NDST2: variants seen among roughly 807,000 people sequenced by gnomAD.
NDST2 encodes the protein N-deacetylase and N-sulfotransferase 2, also known as bifunctional heparan sulfate N-deacetylase/N-sulfotransferase 2.
NDST2 carries 32 observed loss-of-function variants against 86.9 expected under a neutral mutation model. That is an observed-to-expected ratio of 0.37 (90% CI 0.28 to 0.49). NDST2 has a LOEUF of 0.49. Ranked by LOEUF, NDST2 falls within the 20% of genes least tolerant of loss-of-function variation. The probability of loss-of-function intolerance (pLI) is 0.97; values close to 1 mark genes in which losing one functional copy is unlikely to be tolerated. For missense variants in NDST2, 950 were observed against 1,146.9 expected (o/e 0.83, Z 2.48); for synonymous variants, 409 against 437.0 (o/e 0.94, Z 0.80).
chr10:73,803,040 T>G lies in NDST2; in HGVS notation c.2355A>C (p.Ala785=). 1 of 1,614,238 alleles carries G rather than the reference T, an allele frequency of 6.2e-7. No homozygotes were observed. Among genetic ancestry groups the G allele is most frequent in the Non-Finnish European group, 8.5e-7 (1 of 1,180,050 alleles). The change falls in exon 13 of 15, where the codon GCA becomes GCC. Residue 785 remains alanine, a synonymous_variant. Transcript: ENST00000309979. The stretch of plus-strand genomic sequence containing the variant: ...ACTTCTGGATGCTCTCCATTGAGGC[T>G]GCTGGGTTGGTACGCAGCTCTTGCC... ...VDGQELRTNP[A]ASMESIQKFL...
At chr10:73,811,183 C>T (rs1477283609) in intron 1 of NDST2, among the ~76,000 whole-genome samples, 1 of 151,988 alleles carries the variant, frequency 6.6e-6, no homozygotes, top group African/African-American at 2.4e-5. Flanking sequence ...AAGAGCGCAC[C>T]GGATGTGGGA....
chr10:73,811,337 A>C (rs1219299130), intron 1 of NDST2, 137 bp downstream of exon 1: 1 of 153,704 alleles, frequency 6.5e-6, no homozygotes, highest in East Asian at 1.9e-4. Flanking sequence ...AGGCCGGCGG[A>C]AAGGACCCGG....
intron 4 of NDST2, 32 bp downstream of exon 4, chr10:73,807,076 G>A: frequency 1.3e-6 from 2 of 1,587,992 alleles, no homozygotes; most frequent in South Asian, 1.1e-5. Flanking sequence ...GTCAAACTAT[G>A]ATATGCCAAA....
chr10:73,804,309 G>C (rs2132862671), intron 9 of NDST2, among the ~76,000 whole-genome samples: 1 of 152,292 alleles, frequency 6.6e-6, no homozygotes, highest in East Asian at 1.9e-4. Context: ...ATCAATGAGG[G>C]GTGGGTATAA....
At chr10:73,809,385 T>C (rs1425140023) in intron 2 of NDST2, among the ~76,000 whole-genome samples, 1 of 152,178 alleles carries the variant, frequency 6.6e-6, no homozygotes, top group Non-Finnish European at 1.5e-5. Context: ...TTGTGAAACA[T>C]TACCTGCCCC....
rs1241226285 is a variant in NDST2, at chr10:73,806,909, C to T, written c.1094-98G>A. 28 of 1,560,432 alleles carry T rather than the reference C, an allele frequency of 1.8e-5. No individual in the cohort carries two copies. Among genetic ancestry groups the T allele is most frequent in the Non-Finnish European group, 2.1e-5 (24 of 1,147,712 alleles). ...ACCACCTTCCATCCCTGATCCTTGC[C>T]TAAGACTTTCTATTTGCCCCACTGC... On this transcript the variant is annotated intron_variant, in intron 4 of 14. Transcript: ENST00000309979. The surrounding 1 kb of genome is among the most constrained non-coding windows in gnomAD (Gnocchi z 4.5).
rs1478964975 is a variant in NDST2, at chr10:73,802,683, C to A, written c.2517G>T (p.Met839Ile). 6.2e-7 allele frequency: 1 copy of A among 1,614,184 alleles called. No individual in the cohort carries two copies. Among genetic ancestry groups the A allele is most frequent in the South Asian group, 1.1e-5 (1 of 91,082 alleles). ...CCCTGGCTTTACTTACCTCAGTGTC[C>A]ATATCTGGATACCTCCGGCCTTTGC... Reference protein sequence around the residue: ...GRSKGRRYPDMDTESRLFLTD... With the variant: ...GRSKGRRYPDIDTESRLFLTD... The change falls in exon 14 of 15, where the codon ATG becomes ATT. Residue 839 changes from methionine (M) to isoleucine (I), a missense_variant. Met to Ile is a conservative substitution (Grantham distance 10). This residue lies in a region of NDST2 where 303 missense variants were observed against 323.7 expected (regional missense o/e 0.94). Transcript: ENST00000309979.
chr10:73,807,261 A>T, intron 3 of NDST2, 66 bp from the exon 4 acceptor site: 1 of 1,557,586 alleles, frequency 6.4e-7, no homozygotes, highest in Non-Finnish European at 8.9e-7. Flanking sequence ...CATGAGAAGT[A>T]GCATTCTTCC....
rs373396104 is a variant in NDST2, at chr10:73,807,332, A to G, written c.1005+52T>C. ...TCAGAATCAAGGAAGGGAGTCTGACAGGCCAGAGTGTGAATAGCTTCTAAG... is the reference window on the plus strand; with the variant it reads ...TCAGAATCAAGGAAGGGAGTCTGACGGGCCAGAGTGTGAATAGCTTCTAAG... On this transcript the variant is annotated intron_variant, in intron 3 of 14. Coordinates refer to ENST00000309979, the MANE Select transcript of NDST2 (RefSeq NM_003635.4). The G allele has an allele frequency of 5.6e-6, 9 of 1,598,052 alleles. No individual in the cohort carries two copies. In the African/African-American group the frequency reaches 1.2e-4, roughly 21 times the overall value.
chr10:73,807,835 T>C lies in NDST2; in HGVS notation c.554A>G (p.Lys185Arg). The change falls in exon 3 of 15, where the codon AAG becomes AGG. Residue 185 changes from lysine (K) to arginine (R), a missense_variant. By Grantham distance (26) the Lys-to-Arg change is conservative. Around this residue, in one of 5 missense-constraint regions of NDST2, gnomAD observed 586 missense variants for 714.0 expected, o/e 0.82. Coordinates refer to ENST00000309979, the MANE Select transcript of NDST2 (RefSeq NM_003635.4). ...TGAGTGTAAAAAAAGGGGAAAGCCC[T>C]TGAGCTGGGCGCTCAGTAGGCTGTG... is the stretch of plus-strand genomic sequence containing the variant. ...HEHSLLSAQL[K>R]GFPLFLHSNL... 1 of 1,614,192 alleles carries C rather than the reference T, an allele frequency of 6.2e-7. No homozygotes were observed. The highest frequency in any genetic ancestry group is 8.5e-7 in the Non-Finnish European group (1 of 1,180,032).
rs752216726 is a variant in NDST2, at chr10:73,806,652, C to T, written c.1248+5G>A. 3.1e-6 allele frequency: 5 copies of T among 1,612,314 alleles called. No homozygotes were observed. The Admixed American group carries it at 5.0e-5, about 16-fold the overall frequency. ...AATTATGGGGAAGAGATCCAAGGGTCTCACCAGAGCAAACTGTTTGTTGAG... is the reference window on the plus strand; with the variant it reads ...AATTATGGGGAAGAGATCCAAGGGTTTCACCAGAGCAAACTGTTTGTTGAG... On this transcript the variant is annotated splice_donor_5th_base_variant and intron_variant, in intron 5 of 14. Coordinates refer to ENST00000309979, the MANE Select transcript of NDST2 (RefSeq NM_003635.4). The surrounding 1 kb of genome is among the most constrained non-coding windows in gnomAD (Gnocchi z 4.5).
Position 73,807,215 on chromosome 10 carries a change from CAA to C in NDST2, c.1006-22_1006-21del. On this transcript the variant is annotated intron_variant, in intron 3 of 14. Coordinates refer to ENST00000309979, the MANE Select transcript of NDST2 (RefSeq NM_003635.4). ...CAGAGCCTGGGAAGAGTAGCAGGGA[CAA>C]GAGAAATCAGGAGAGCAGACTGAAC... 1 of 1,604,234 alleles carries C rather than the reference CAA, an allele frequency of 6.2e-7. No individual in the cohort carries two copies. The highest frequency in any genetic ancestry group is 8.5e-7 in the Non-Finnish European group (1 of 1,171,308).
chr10:73,806,119 G>A lies in NDST2; in HGVS notation c.1435-91C>T. On this transcript the variant is annotated intron_variant, in intron 6 of 14. Transcript: ENST00000309979. This position sits in a 1 kb window ranked among gnomAD's most constrained non-coding sequence, Gnocchi z 4.5. ...GGATTTATAGAGGACTGAGTCTGAA[G>A]TTATAGCAATAAAGCTCTTACTGAG... The A allele has an allele frequency of 1.3e-6, 2 of 1,555,010 alleles. No individual in the cohort carries two copies. The highest frequency in any genetic ancestry group is 2.3e-5 in the East Asian group (1 of 44,432).
At chr10:73,810,238 A>G (rs1393498630) in intron 2 of NDST2, among the ~76,000 whole-genome samples, 2 of 152,180 alleles carry the variant, frequency 1.3e-5, no homozygotes, top group Non-Finnish European at 2.9e-5. Flanking sequence ...GCGGGTGATC[A>G]CTTGAGGTCA....
chr10:73,803,199 G>A lies in NDST2; in HGVS notation c.2303C>T (p.Pro768Leu). Residue 768 changes from proline to leucine, a missense_variant, in exon 12 of 15, where the codon CCC (proline) becomes CTC (leucine). Physicochemically the swap from Pro to Leu is moderately conservative, Grantham distance 98. Coordinates refer to ENST00000309979, the MANE Select transcript of NDST2 (RefSeq NM_003635.4). ...TTGTGGGGATTATACCTGTCCAGAG[G>A]GGTAGTAAGTCAGCCAGCGTTGTAG... ...THLQRWLTYYPSGQLLIVDGQ... is the reference protein window; with the variant it reads ...THLQRWLTYYLSGQLLIVDGQ... 1 of 1,614,192 alleles carries A rather than the reference G, an allele frequency of 6.2e-7. No homozygotes were observed. The highest frequency in any genetic ancestry group is 8.5e-7 in the Non-Finnish European group (1 of 1,180,038).
In NDST2 at chr10:73,802,536, A is replaced by C; in HGVS notation, c.2567T>G (p.Leu856Trp). Residue 856 changes from leucine (L) to tryptophan (W), a missense_variant, in exon 15 of 15, where the codon TTG becomes TGG. By Grantham distance (61) the Leu-to-Trp change is moderately conservative (BLOSUM62 -2). Coordinates refer to ENST00000309979, the MANE Select transcript of NDST2 (RefSeq NM_003635.4). ...FLTDFFRNHNLELSKLLSRLG... is the reference protein window; with the variant it reads ...FLTDFFRNHNWELSKLLSRLG... ...CCGGCTCAGCAGCTTCGACAACTCC[A>C]AATTATGGTTCCGGAAAAAATCCGT... is the stretch of plus-strand genomic sequence containing the variant. 7 of 1,614,132 alleles carry C rather than the reference A, an allele frequency of 4.3e-6. No individual in the cohort carries two copies. Among genetic ancestry groups the C allele is most frequent in the Non-Finnish European group, 5.9e-6 (7 of 1,180,014 alleles).
At chr10:73,810,336 T>C (rs1321891846) in intron 2 of NDST2, among the ~76,000 whole-genome samples, 1 of 151,908 alleles carries the variant, frequency 6.6e-6, no homozygotes, top group African/African-American at 2.4e-5. Flanking sequence ...TGGGCGCCTG[T>C]AGTCCCAGCT....
intron 2 of NDST2, chr10:73,809,001 T>TAGAA (rs3841208): frequency 0.14 from 20,779 of 152,392 alleles, 1,478 homozygotes; most frequent in South Asian, 0.2. Flanking sequence ...ATGCAAATGA[T>TAGAA]AGGAACAAAT....
chr10:73,802,779 G>C lies in NDST2; in HGVS notation c.2424-3C>G. 1 of 1,613,498 alleles carries C rather than the reference G, an allele frequency of 6.2e-7. No homozygotes were observed. Among genetic ancestry groups the C allele is most frequent in the Non-Finnish European group, 8.5e-7 (1 of 1,179,458 alleles). On this transcript the variant is annotated splice_polypyrimidine_tract_variant and splice_region_variant and intron_variant, in intron 13 of 14. Coordinates refer to ENST00000309979, the MANE Select transcript of NDST2 (RefSeq NM_003635.4). ...AAAATCCCTTATCATCATCAAACCT[G>C]CTCAACAGGAAGAGGCCATGAGGTG...
Sources: allele counts gnomAD v4.1 joint callset (sites outside exome capture counted in the v4.1 genomes callset), GRCh38; gene constraint gnomAD v4.1.1; regional missense constraint gnomAD v4.1.1; non-coding constraint Gnocchi (gnomAD v3.1); transcripts MANE v1.5; gene names NCBI Gene and HGNC (gene_info 2026-07-23, HGNC 2026-07-21).